Variants in ESRRB observed in about 807,000 individuals in gnomAD.
The protein encoded by ESRRB is steroid hormone receptor ERR2.
Under a neutral mutation model 46.0 loss-of-function variants are expected in ESRRB, and 16 were observed. That is an observed-to-expected ratio of 0.35 (90% CI 0.24 to 0.53). The LOEUF (loss-of-function observed/expected upper bound fraction) is 0.53, where lower values mean the gene tolerates loss of function less well. Among genes scored for constraint, ESRRB ranks in the 20% least tolerant of loss-of-function variants. ESRRB has a pLI of 0.93. For missense variants in ESRRB, 488 were observed against 607.4 expected (o/e 0.80, Z 2.07); for synonymous variants, 246 against 259.6 (o/e 0.95, Z 0.50).
At position 76,474,742 on chromosome 14, in the gene ESRRB, G is replaced by A. The variant is rs116246296; in HGVS notation, c.578-7274G>A. Reference sequence around the variant, plus strand: ...CATAATCCCGGCTATTCAGGAGGCCGAGGCAGGAGGATCACTTGAGTCCAG... The same window carrying A: ...CATAATCCCGGCTATTCAGGAGGCCAAGGCAGGAGGATCACTTGAGTCCAG... On this transcript the variant is annotated intron_variant, in intron 3 of 6. Coordinates refer to ENST00000644823, the MANE Select transcript of ESRRB (RefSeq NM_001379180.1). 2.0e-3 allele frequency among the ~76,000 whole-genome samples: 305 copies of A among 152,264 alleles called. 1 individual carries two copies. The highest frequency in any genetic ancestry group is 6.8e-3 in the African/African-American group (283 of 41,538).
intron 1 of ESRRB, among the ~76,000 whole-genome samples, chr14:76,311,952 A>T (rs565050406): frequency 7.0e-6 from 1 of 142,944 alleles, no homozygotes; most frequent in Non-Finnish European, 1.5e-5. Flanking sequence ...GAATTTACAA[A>T]GGAAAAGTAG....
intron 1 of ESRRB, among the ~76,000 whole-genome samples, chr14:76,325,629 A>G (rs969687683): frequency 2.6e-5 from 4 of 152,178 alleles, no homozygotes; most frequent in African/African-American, 9.7e-5. Flanking sequence ...ACCTCTGAAC[A>G]GGTAGCTCCT....
upstream of ESRRB, among the ~76,000 whole-genome samples, chr14:76,372,452 G>GT (rs1407079996): frequency 1.5e-4 from 23 of 152,188 alleles, no homozygotes; most frequent in Non-Finnish European, 2.8e-4. Flanking sequence ...CAGGTAAAGA[G>GT]TGTGTGGAGC....
At position 76,406,768 on chromosome 14, in the gene ESRRB, A is replaced by AC. The variant is rs1444096686; in HGVS notation, c.50+30317_50+30318insC. On this transcript the variant is annotated intron_variant, in intron 1 of 6. Transcript: ENST00000644823. ...AAAAAACAAACAAACAAACAAACAA[A>AC]AAACCAGTGCCCCATCCTTGCCCAT... Among the ~76,000 whole-genome samples, 18 of 151,270 alleles carry AC rather than the reference A, an allele frequency of 1.2e-4. No homozygotes were observed. In the East Asian group the frequency reaches 3.4e-3, roughly 29 times the overall value.
At chr14:76,427,384 T>C (rs1887250696) in intron 1 of ESRRB, among the ~76,000 whole-genome samples, 1 of 151,956 alleles carries the variant, frequency 6.6e-6, no homozygotes. Flanking sequence ...TGTACATGCA[T>C]GTGCACAGAA....
chr14:76,370,237 A>C (rs958953648), upstream of ESRRB, among the ~76,000 whole-genome samples: 17 of 151,698 alleles, frequency 1.1e-4, 1 homozygote, highest in African/African-American at 2.7e-4. Flanking sequence ...AAAAAAAAAA[A>C]AAACACAAAA....
intron 1 of ESRRB, among the ~76,000 whole-genome samples, chr14:76,350,517 C>T (rs536402985): frequency 9.2e-5 from 14 of 152,274 alleles, no homozygotes; most frequent in Non-Finnish European, 1.3e-4. Context: ...CCTACCAGGA[C>T]GGCAGAAGCC....
At chr14:76,325,431 A>G (rs1883918852) in intron 1 of ESRRB, among the ~76,000 whole-genome samples, 1 of 152,112 alleles carries the variant, frequency 6.6e-6, no homozygotes, top group Non-Finnish European at 1.5e-5. Context: ...TGGCTGCCTC[A>G]AGGGAAAGGA....
chr14:76,325,112 G>A (rs1302727662), intron 1 of ESRRB, among the ~76,000 whole-genome samples: 1 of 151,770 alleles, frequency 6.6e-6, no homozygotes, highest in Non-Finnish European at 1.5e-5. Flanking sequence ...TTACAGCTGT[G>A]TGCCACCACG....
At chr14:76,416,575 T>G (rs1037121152) in intron 1 of ESRRB, among the ~76,000 whole-genome samples, 1 of 151,992 alleles carries the variant, frequency 6.6e-6, no homozygotes, top group African/African-American at 2.4e-5. Flanking sequence ...GTTCAAGCAA[T>G]TCTCCTGCCC....
chr14:76,422,030 G>A (rs11626715), intron 1 of ESRRB, among the ~76,000 whole-genome samples: 10,265 of 152,028 alleles, frequency 0.068, 507 homozygotes, highest in East Asian at 0.19. Context: ...AAAATGCCCC[G>A]TCTGGAGAAG....
intron 1 of ESRRB, among the ~76,000 whole-genome samples, chr14:76,433,392 A>G (rs1887536937): frequency 6.6e-6 from 1 of 152,202 alleles, no homozygotes; most frequent in Non-Finnish European, 1.5e-5. Flanking sequence ...CTGGACCAGC[A>G]GTAGGACCGA....
chr14:76,496,108 A>G (rs1164934508), intron 6 of ESRRB, among the ~76,000 whole-genome samples: 1 of 152,234 alleles, frequency 6.6e-6, no homozygotes, highest in Non-Finnish European at 1.5e-5. Flanking sequence ...AAGAATGTGC[A>G]GTGACGCACA....
At chr14:76,409,270 G>A (rs1455337805) in intron 1 of ESRRB, among the ~76,000 whole-genome samples, 1 of 152,088 alleles carries the variant, frequency 6.6e-6, no homozygotes, top group Non-Finnish European at 1.5e-5. Flanking sequence ...TCAGTTTTTG[G>A]ATCTCTTTTT....
chr14:76,490,257 C>G (rs1890172821), intron 5 of ESRRB, among the ~76,000 whole-genome samples: 1 of 152,150 alleles, frequency 6.6e-6, no homozygotes. Context: ...AAGTTACTGC[C>G]TTGTGTTTGG....
intron 1 of ESRRB, among the ~76,000 whole-genome samples, chr14:76,395,801 TA>T (rs1005477167): frequency 1.4e-5 from 2 of 138,560 alleles, no homozygotes; most frequent in African/African-American, 5.4e-5. Flanking sequence ...TTTTTCCACC[TA>T]ATAAAGACTA....
intron 2 of ESRRB, among the ~76,000 whole-genome samples, chr14:76,447,246 CT>C: frequency 3.1e-5 from 1 of 32,112 alleles, no homozygotes; most frequent in Admixed American, 2.6e-4. Context: ...CTAAAGTCTC[CT>C]TCCTTCCTTC....
intron 3 of ESRRB, among the ~76,000 whole-genome samples, chr14:76,467,000 G>A (rs966448162): frequency 1.6e-4 from 25 of 152,112 alleles, no homozygotes; most frequent in Admixed American, 1.2e-3. Flanking sequence ...GATTACAGGC[G>A]TGAGCCACTG....
At chr14:76,366,278 C>CA (rs1045238248) in intron 1 of ESRRB, among the ~76,000 whole-genome samples, 55 of 152,086 alleles carry the variant, frequency 3.6e-4, no homozygotes, top group Middle Eastern at 3.4e-3. Context: ...CAGAAATAAA[C>CA]AAAAAAACAA....
Sources: allele counts gnomAD v4.1 joint callset (sites outside exome capture counted in the v4.1 genomes callset), GRCh38; gene constraint gnomAD v4.1.1; transcripts MANE v1.5; gene names NCBI Gene and HGNC (gene_info 2026-07-23, HGNC 2026-07-21).